CUBN: variants seen among roughly 807,000 people sequenced by gnomAD.
CUBN encodes the protein 460 kDa receptor.
In CUBN, 282 loss-of-function variants were observed where a neutral mutation model predicts 405.3. The ratio of observed to expected loss-of-function variants is 0.70; its 90% confidence interval spans 0.63 to 0.77. CUBN has a LOEUF of 0.77. Ranked by LOEUF, CUBN falls within the 30% of genes least tolerant of loss-of-function variation. CUBN has a pLI of 0.00. For synonymous variants in CUBN, 1,684 were observed against 1,617.0 expected, an observed-to-expected ratio of 1.04 and a Z score of -0.99; for missense variants, 4,514 against 4,475.2, an observed-to-expected ratio of 1.01 and a Z score of -0.25.
intron 17 of CUBN, 42 bp downstream of exon 17, chr10:17,084,229 T>C (rs1836043769): frequency 1.0e-5 from 16 of 1,595,084 alleles, no homozygotes; most frequent in South Asian, 3.3e-5. Flanking sequence ...TATAAAAATG[T>C]TGATGAATGT....
chr10:16,978,807 A>G (rs1833175403), intron 31 of CUBN, among the ~76,000 whole-genome samples: 2 of 152,136 alleles, frequency 1.3e-5, no homozygotes, highest in African/African-American at 4.8e-5. Flanking sequence ...CTCTCTAACC[A>G]CTCCTATTCA....
chr10:16,854,579 AG>A (rs1839815665), intron 59 of CUBN, among the ~76,000 whole-genome samples: 2 of 152,200 alleles, frequency 1.3e-5, no homozygotes, highest in Admixed American at 1.3e-4. Flanking sequence ...AGCACTGAAG[AG>A]TTGGAGGTAG....
chr10:16,837,888 A>C (rs1839221206), intron 62 of CUBN, among the ~76,000 whole-genome samples: 1 of 152,122 alleles, frequency 6.6e-6, no homozygotes, highest in African/African-American at 2.4e-5. Flanking sequence ...AGCTGCTGTT[A>C]TGTTTCAGAC....
rs149007708 is a variant in CUBN at position 17,006,460 on chromosome 10, T to A, written c.4168+13373A>T. 1.5e-4 allele frequency among the ~76,000 whole-genome samples: 23 copies of A among 152,104 alleles called. No homozygotes were observed. The East Asian group carries it at 4.5e-3, about 29-fold the overall frequency. On this transcript the variant is annotated intron_variant, in intron 28 of 66. Coordinates refer to ENST00000377833, the MANE Select transcript of CUBN (RefSeq NM_001081.4). ...AGATAAAACCTTTGTCTTTAAAGGGTGAACCTCCCAGAAATCGTACTACAT... is the reference window on the plus strand; with the variant it reads ...AGATAAAACCTTTGTCTTTAAAGGGAGAACCTCCCAGAAATCGTACTACAT...
rs1418167671 is a variant in CUBN, at chr10:17,129,811, T to G, written c.-46A>C. 3.7e-6 allele frequency: 6 copies of G among 1,607,760 alleles called. No individual in the cohort carries two copies. The highest frequency in any genetic ancestry group is 1.3e-5 in the African/African-American group (1 of 74,790). On this transcript the variant is annotated 5_prime_UTR_variant, in exon 1 of 67. Coordinates refer to ENST00000377833, the MANE Select transcript of CUBN (RefSeq NM_001081.4). Reference sequence around the variant, plus strand: ...TAAGAGTGAGGCCACTCCAACCAACTGAGCATGGGATTTTGGAGAACAGCA... The same window carrying G: ...TAAGAGTGAGGCCACTCCAACCAACGGAGCATGGGATTTTGGAGAACAGCA...
chr10:16,915,442 G>C (rs1841856762), intron 46 of CUBN, among the ~76,000 whole-genome samples: 1 of 152,130 alleles, frequency 6.6e-6, no homozygotes, highest in Non-Finnish European at 1.5e-5. Context: ...AATGATCTGA[G>C]ACAACAGTGA....
At chr10:17,009,506 C>T (rs1443363979) in intron 28 of CUBN, among the ~76,000 whole-genome samples, 1 of 152,234 alleles carries the variant, frequency 6.6e-6, no homozygotes, top group African/African-American at 2.4e-5. Flanking sequence ...CAATCAAGCT[C>T]CTTAGAGTGG....
chr10:16,899,215 C>T (rs762857236), intron 53 of CUBN, 32 bp from the exon 54 acceptor site: 1 of 1,575,920 alleles, frequency 6.3e-7, no homozygotes, highest in Admixed American at 1.7e-5. Context: ...AGCCATCAAT[C>T]AGCAAGGAAA....
At position 16,933,285 on chromosome 10, in the gene CUBN, C is replaced by T; in HGVS notation, c.5927-1G>A. On this transcript the variant is annotated splice_acceptor_variant, in intron 39 of 66. Coordinates refer to ENST00000377833, the MANE Select transcript of CUBN (RefSeq NM_001081.4). LOFTEE classifies it high-confidence loss of function. ...GTCCTCAGGAAGCCACCACAAGCACCTGTAGAATAGAAAGCAACATCTTTG... is the reference window on the plus strand; with the variant it reads ...GTCCTCAGGAAGCCACCACAAGCACTTGTAGAATAGAAAGCAACATCTTTG... 2 of 1,613,168 alleles carry T rather than the reference C, an allele frequency of 1.2e-6. No individual in the cohort carries two copies. Among genetic ancestry groups the T allele is most frequent in the South Asian group, 1.1e-5 (1 of 91,052 alleles).
In CUBN at chr10:17,115,591, G is replaced by A. The variant is rs1364836911; in HGVS notation, c.600C>T (p.His200=). 7 of 1,614,114 alleles carry A rather than the reference G, an allele frequency of 4.3e-6. No individual in the cohort carries two copies. In the African/African-American group the frequency reaches 8.0e-5, roughly 18 times the overall value. ...GGGGTCCGTACGTCTCAGGTGGGCAGTGACAACTGTTGGTTACACAAGAGC... is the reference window on the plus strand; with the variant it reads ...GGGGTCCGTACGTCTCAGGTGGGCAATGACAACTGTTGGTTACACAAGAGC... ...CVNTMGSYSC[H]CPPETYGPQC... Residue 200 remains histidine (H), a synonymous_variant, in exon 7 of 67, where the codon CAC becomes CAT. Transcript: ENST00000377833.
At chr10:16,890,956 G>A (rs1840987817) in intron 54 of CUBN, among the ~76,000 whole-genome samples, 1 of 152,166 alleles carries the variant, frequency 6.6e-6, no homozygotes, top group Non-Finnish European at 1.5e-5. Flanking sequence ...GAGGCACATC[G>A]TGGTGCATGA....
At position 16,855,781 on chromosome 10, in the gene CUBN, T is replaced by C. The variant is rs140705067; in HGVS notation, c.9455-4338A>G. ...AAATATACACACAGAATAAAGAACATGGAGAAAAATATCATGAGATAATCC... is the reference window on the plus strand; with the variant it reads ...AAATATACACACAGAATAAAGAACACGGAGAAAAATATCATGAGATAATCC... On this transcript the variant is annotated intron_variant, in intron 59 of 66. Transcript: ENST00000377833. Among the ~76,000 whole-genome samples, 416 of 152,272 alleles carry C rather than the reference T, an allele frequency of 2.7e-3. 1 individual carries two copies. Among genetic ancestry groups the C allele is most frequent in the African/African-American group, 9.6e-3 (400 of 41,530 alleles).
At chr10:16,934,978 G>T (rs751218549) in intron 39 of CUBN, among the ~76,000 whole-genome samples, 8 of 152,132 alleles carry the variant, frequency 5.3e-5, no homozygotes, top group Non-Finnish European at 1.2e-4. Context: ...CACACTGACT[G>T]CTTTTCCTAC....
At chr10:16,909,233 T>C (rs1044910399) in intron 48 of CUBN, among the ~76,000 whole-genome samples, 12 of 152,182 alleles carry the variant, frequency 7.9e-5, no homozygotes, top group African/African-American at 2.7e-4. Flanking sequence ...TTTAGCTCTC[T>C]GGGGGCTTCT....
intron 1 of CUBN, 73 bp downstream of exon 1, chr10:17,129,571 A>T: frequency 6.2e-7 from 1 of 1,600,792 alleles, no homozygotes. Context: ...ACCTTTGTTT[A>T]TCTGGCTATT....
chr10:16,835,652 C>T (rs1179676244), intron 63 of CUBN, among the ~76,000 whole-genome samples: 7 of 137,880 alleles, frequency 5.1e-5, no homozygotes, highest in Non-Finnish European at 6.2e-5. Flanking sequence ...AAAGTACTTT[C>T]GTTTGTTTTA....
chr10:17,084,654 G>A (rs1836062888), intron 16 of CUBN, among the ~76,000 whole-genome samples, 193 bp from the exon 17 acceptor site: 1 of 152,126 alleles, frequency 6.6e-6, no homozygotes, highest in Non-Finnish European at 1.5e-5. Context: ...TCTCTGTAGT[G>A]GCTTAAAGAA....
intron 42 of CUBN, 57 bp from the exon 43 acceptor site, chr10:16,925,481 G>A (rs375668397): frequency 7.8e-5 from 125 of 1,602,180 alleles, no homozygotes; most frequent in South Asian, 2.8e-4. Flanking sequence ...GAAGGAGTAC[G>A]CAATTCTTAT....
intron 54 of CUBN, among the ~76,000 whole-genome samples, chr10:16,892,220 T>C (rs529676914): frequency 6.6e-6 from 1 of 152,300 alleles, no homozygotes; most frequent in East Asian, 1.9e-4. Context: ...CTGTTAGTCA[T>C]CCTACTGAAG....
Sources: gnomAD v4.1 joint callset for allele counts (sites outside exome capture counted in the v4.1 genomes callset) on GRCh38, gnomAD v4.1.1 for gene constraint, MANE v1.5 for transcripts, NCBI Gene and HGNC (gene_info 2026-07-23, HGNC 2026-07-21) for gene names.